NRCAM: variants seen among roughly 807,000 people sequenced by gnomAD.
NRCAM encodes the protein NgCAM-related cell adhesion molecule.
A neutral mutation model predicts 156.5 loss-of-function variants in NRCAM; 83 were observed. The ratio of observed to expected loss-of-function variants is 0.53; its 90% CI spans 0.44 to 0.64. The LOEUF is 0.64. Ranked by LOEUF, NRCAM falls within the 30% of genes least tolerant of loss-of-function variation. The pLI is 0.00. For synonymous variants in NRCAM, 538 were observed against 563.9 expected, an observed-to-expected ratio of 0.95 and a Z score of 0.65; for missense variants, 1,417 against 1,597.3, an observed-to-expected ratio of 0.89 and a Z score of 1.92.
chr7:108,439,621 G>A (rs190992150), intron 1 of NRCAM, among the ~76,000 whole-genome samples: 1 of 152,210 alleles, frequency 6.6e-6, no homozygotes, highest in East Asian at 1.9e-4. Flanking sequence ...TTGGGAGGCT[G>A]AGGCAGGTGG....
chr7:108,210,851 G>A (rs994288839), intron 11 of NRCAM, among the ~76,000 whole-genome samples: 1 of 152,186 alleles, frequency 6.6e-6, no homozygotes, highest in African/African-American at 2.4e-5. Context: ...AGGCCCTCAG[G>A]AAGATAACAA....
chr7:108,246,201 G>A (rs371261968), intron 3 of NRCAM, among the ~76,000 whole-genome samples: 4 of 152,270 alleles, frequency 2.6e-5, no homozygotes, highest in South Asian at 4.1e-4. Flanking sequence ...AAACAGAGTG[G>A]GGAGGAGACT....
Position 108,239,966 on chromosome 7 carries a change from A to G in NRCAM, c.99T>C (p.Pro33=), listed in dbSNP as rs1434091298. ...LCQMISALEV[P]LDPKLLEDLV... ...TAAAACGTTAATACTTACGATCAAG[A>G]GGTACTTCCAGTGCACTAATCATCT... The change falls in exon 4 of 33, where the codon CCT becomes CCC. Residue 33 remains proline (P), a synonymous_variant. Transcript: ENST00000379028. The G allele has an allele frequency of 1.2e-6, 2 of 1,604,536 alleles. No homozygotes were observed. The highest frequency in any genetic ancestry group is 1.7e-6 in the Non-Finnish European group (2 of 1,172,298).
At chr7:108,162,461 G>T (rs753474500) in intron 30 of NRCAM, among the ~76,000 whole-genome samples, 4 of 152,142 alleles carry the variant, frequency 2.6e-5, no homozygotes, top group Non-Finnish European at 5.9e-5. Flanking sequence ...TCAGTGTGCT[G>T]ATTTACAGCC....
intron 3 of NRCAM, among the ~76,000 whole-genome samples, chr7:108,310,229 G>A (rs1474524498): frequency 6.6e-6 from 1 of 152,138 alleles, no homozygotes; most frequent in African/African-American, 2.4e-5. Context: ...TTACTACTAG[G>A]ACCAAACTTA....
chr7:108,212,365 G>C (rs993819001), intron 11 of NRCAM, among the ~76,000 whole-genome samples: 2 of 152,088 alleles, frequency 1.3e-5, no homozygotes, highest in Admixed American at 1.3e-4. Context: ...AATCACACTA[G>C]CTCACCAGCA....
At chr7:108,333,293 C>T (rs1196872091) in intron 2 of NRCAM, among the ~76,000 whole-genome samples, 1 of 152,134 alleles carries the variant, frequency 6.6e-6, no homozygotes, top group East Asian at 1.9e-4. Flanking sequence ...CACACACGTG[C>T]ACCCTTTCTG....
chr7:108,367,329 T>C (rs115849621), intron 2 of NRCAM, among the ~76,000 whole-genome samples: 4,026 of 152,242 alleles, frequency 0.026, 170 homozygotes, highest in African/African-American at 0.091. Context: ...ATATATAGTA[T>C]TTTCATTTTT....
At chr7:108,276,911 C>A (rs1285160745) in intron 3 of NRCAM, among the ~76,000 whole-genome samples, 4 of 152,126 alleles carry the variant, frequency 2.6e-5, no homozygotes, top group East Asian at 3.9e-4. Flanking sequence ...CCTTCAGGAG[C>A]TCTTGTAAGG....
intron 3 of NRCAM, among the ~76,000 whole-genome samples, chr7:108,249,909 T>C (rs1218559355): frequency 6.6e-6 from 1 of 152,174 alleles, no homozygotes; most frequent in Non-Finnish European, 1.5e-5. Context: ...AAGAGCACTT[T>C]AGGTAGAAAT....
At chr7:108,215,428 G>A (rs766071020) in intron 11 of NRCAM, among the ~76,000 whole-genome samples, 8 of 151,776 alleles carry the variant, frequency 5.3e-5, no homozygotes, top group Non-Finnish European at 1.0e-4. Flanking sequence ...TGTTAGCCAG[G>A]ATGGTCTCGA....
At chr7:108,330,143 G>C (rs1400815873) in intron 2 of NRCAM, among the ~76,000 whole-genome samples, 9 of 152,134 alleles carry the variant, frequency 5.9e-5, no homozygotes, top group Admixed American at 5.9e-4. Context: ...TTTCTTTCAA[G>C]TGCATTTATA....
rs530081586 is a variant in NRCAM, at chr7:108,425,603, T to C, written c.-331-26010A>G. On this transcript the variant is annotated intron_variant, in intron 1 of 32. Transcript: ENST00000379028. ...CCTCAAATAATTATCCCTGACTTTATAGTTCTTACATATATTTAAACATAC... is the reference window on the plus strand; with the variant it reads ...CCTCAAATAATTATCCCTGACTTTACAGTTCTTACATATATTTAAACATAC... Among the ~76,000 whole-genome samples, 27 of 152,334 alleles carry C rather than the reference T, an allele frequency of 1.8e-4. No homozygotes were observed. The South Asian group carries it at 3.9e-3, about 22-fold the overall frequency.
chr7:108,410,374 A>G (rs1269320194), intron 1 of NRCAM, among the ~76,000 whole-genome samples: 1 of 152,178 alleles, frequency 6.6e-6, no homozygotes, highest in African/African-American at 2.4e-5. Flanking sequence ...TCATAGAAAG[A>G]CTAGGGGATA....
At chr7:108,192,922 T>C (rs1436968801) in intron 17 of NRCAM, among the ~76,000 whole-genome samples, 1 of 152,170 alleles carries the variant, frequency 6.6e-6, no homozygotes, top group Non-Finnish European at 1.5e-5. Flanking sequence ...TATAGAGAAT[T>C]AGTGTATTAT....
intron 27 of NRCAM, 93 bp downstream of exon 27, chr7:108,176,337 G>T (rs1176070016): frequency 1.9e-5 from 21 of 1,111,444 alleles, no homozygotes; most frequent in Admixed American, 3.7e-5. Flanking sequence ...AGGTAAGACA[G>T]ACGTTCCATA....
intron 3 of NRCAM, among the ~76,000 whole-genome samples, chr7:108,269,573 C>T (rs144078625): frequency 2.6e-5 from 4 of 152,026 alleles, no homozygotes; most frequent in Admixed American, 6.6e-5. Context: ...AAGAAGGTAG[C>T]GACATGTTCC....
intron 6 of NRCAM, 34 bp from the exon 7 acceptor site, chr7:108,232,556 G>A: frequency 6.8e-7 from 1 of 1,470,046 alleles, no homozygotes; most frequent in South Asian, 1.4e-5. Context: ...GTGTATTAAT[G>A]GTCCAGAAAA....
At chr7:108,200,595 T>C (rs1276715307) in intron 13 of NRCAM, among the ~76,000 whole-genome samples, 1 of 152,148 alleles carries the variant, frequency 6.6e-6, no homozygotes, top group Admixed American at 6.6e-5. Flanking sequence ...TCTGGAGACT[T>C]GTTCTCTGTC....
Sources: allele counts gnomAD v4.1 joint callset (sites outside exome capture counted in the v4.1 genomes callset), GRCh38; gene constraint gnomAD v4.1.1; transcripts MANE v1.5; gene names NCBI Gene and HGNC (gene_info 2026-07-23, HGNC 2026-07-21).